GMDS: variants seen among roughly 807,000 people sequenced by gnomAD.
GMDS encodes GDP-mannose 4,6 dehydratase.
Under a neutral mutation model 49.9 loss-of-function variants are expected in GMDS, and 20 were observed. The observed-to-expected ratio is 0.40, with a 90% CI of 0.28 to 0.58. The LOEUF (loss-of-function observed/expected upper bound fraction) is 0.58. GMDS is among the 20% of genes least tolerant of loss of function. The pLI is 0.42. For missense variants in GMDS, 362 were observed against 481.4 expected (o/e 0.75, Z 2.32); for synonymous variants, 177 against 178.6 (o/e 0.99, Z 0.07).
chr6:1,968,079 C>G (rs1764368753), intron 4 of GMDS, among the ~76,000 whole-genome samples: 1 of 152,164 alleles, frequency 6.6e-6, no homozygotes, highest in African/African-American at 2.4e-5. Context: ...AACAATCATT[C>G]CAGGATCACT....
chr6:2,097,566 G>A (rs1773680113), intron 4 of GMDS, among the ~76,000 whole-genome samples: 1 of 152,128 alleles, frequency 6.6e-6, no homozygotes, highest in South Asian at 2.1e-4. Context: ...ACACATGCTA[G>A]TGGCCCTTGA....
At chr6:1,983,516 C>G (rs1386798721) in intron 4 of GMDS, among the ~76,000 whole-genome samples, 1 of 151,922 alleles carries the variant, frequency 6.6e-6, no homozygotes, top group East Asian at 1.9e-4. Flanking sequence ...CCATTAGGAA[C>G]TTAAATCTAC....
At chr6:1,779,846 G>A (rs1228573821) in intron 7 of GMDS, among the ~76,000 whole-genome samples, 4 of 152,182 alleles carry the variant, frequency 2.6e-5, no homozygotes, top group East Asian at 1.9e-4. Flanking sequence ...AGTGGAAGTC[G>A]GCCCTGTGAC....
At chr6:1,813,624 G>T (rs1056823494) in intron 7 of GMDS, among the ~76,000 whole-genome samples, 2 of 152,098 alleles carry the variant, frequency 1.3e-5, no homozygotes, top group African/African-American at 4.8e-5. Flanking sequence ...AGCTCCAGAG[G>T]TTTAAATAAG....
intron 7 of GMDS, among the ~76,000 whole-genome samples, chr6:1,816,210 C>T (rs79063472): frequency 1.7e-3 from 252 of 152,288 alleles, no homozygotes; most frequent in African/African-American, 5.7e-3. Flanking sequence ...TTTATGAGAG[C>T]CTACTGTGTG....
intron 7 of GMDS, among the ~76,000 whole-genome samples, chr6:1,837,819 G>A (rs536705415): frequency 2.0e-5 from 3 of 152,264 alleles, no homozygotes; most frequent in Admixed American, 2.0e-4. Flanking sequence ...CTTTCCCACA[G>A]GTCTGGACAG....
intron 7 of GMDS, among the ~76,000 whole-genome samples, chr6:1,853,437 G>C (rs1345380743): frequency 6.9e-6 from 1 of 144,300 alleles, no homozygotes; most frequent in Non-Finnish European, 1.5e-5. Context: ...AGAATGGCGT[G>C]AACCCGGGAG....
chr6:2,176,665 G>C, intron 1 of GMDS, among the ~76,000 whole-genome samples: 1 of 152,134 alleles, frequency 6.6e-6, no homozygotes, highest in East Asian at 1.9e-4. Context: ...AGAAAGGTGG[G>C]AAAGAATAGC....
chr6:1,766,562 C>T lies in GMDS; in HGVS notation c.772-23976G>A, dbSNP rs1255348437. Among the ~76,000 whole-genome samples, 3 of 152,124 alleles carry T rather than the reference C, an allele frequency of 2.0e-5. No homozygotes were observed. Among genetic ancestry groups the T allele is most frequent in the Non-Finnish European group, 2.9e-5 (2 of 68,022 alleles). On this transcript the variant is annotated intron_variant, in intron 7 of 10. Transcript: ENST00000380815. This position sits in a 1 kb window ranked among gnomAD's most constrained non-coding sequence, Gnocchi z 4.5. ...AAAGTGATTTCTCTCTTGTGTATGGCTCGGGAGGAGGGTCTAAGGTGGGCC... is the reference window on the plus strand; with the variant it reads ...AAAGTGATTTCTCTCTTGTGTATGGTTCGGGAGGAGGGTCTAAGGTGGGCC...
At chr6:1,763,332 C>T (rs1768230228) in intron 7 of GMDS, among the ~76,000 whole-genome samples, 1 of 152,186 alleles carries the variant, frequency 6.6e-6, no homozygotes, top group South Asian at 2.1e-4. Context: ...GAGGACTATG[C>T]AAAGGGGCTG....
At position 1,892,076 on chromosome 6, in the gene GMDS, T is replaced by C. The variant is rs574875625; in HGVS notation, c.771+38027A>G. On this transcript the variant is annotated intron_variant, in intron 7 of 10. Coordinates refer to ENST00000380815, the MANE Select transcript of GMDS (RefSeq NM_001500.4). ...AAACTATAAATAATATACTTGCTTA[T>C]TTTTATACCACAAATCCCACATAAC... 2.1e-3 allele frequency among the ~76,000 whole-genome samples: 319 copies of C among 152,300 alleles called. 1 individual carries two copies. The highest frequency in any genetic ancestry group is 7.2e-3 in the African/African-American group (300 of 41,566).
intron 4 of GMDS, among the ~76,000 whole-genome samples, chr6:2,012,874 C>T (rs1210650982): frequency 6.6e-6 from 1 of 152,068 alleles, no homozygotes; most frequent in Admixed American, 6.6e-5. Flanking sequence ...GAGAAAACCC[C>T]CTCCTGTTGC....
intron 9 of GMDS, among the ~76,000 whole-genome samples, chr6:1,650,974 A>C (rs1763636153): frequency 6.6e-6 from 1 of 152,224 alleles, no homozygotes; most frequent in Non-Finnish European, 1.5e-5. Flanking sequence ...AGATGAATGA[A>C]ACAGAAAAGT....
At chr6:2,236,299 T>C (rs1016603151) in intron 1 of GMDS, among the ~76,000 whole-genome samples, 1 of 152,236 alleles carries the variant, frequency 6.6e-6, no homozygotes, top group Non-Finnish European at 1.5e-5. Context: ...ATGAAGTTCA[T>C]ACTGCCTGCT....
chr6:1,971,310 C>T (rs758915536), intron 4 of GMDS, among the ~76,000 whole-genome samples: 2 of 152,120 alleles, frequency 1.3e-5, no homozygotes, highest in Non-Finnish European at 2.9e-5. Flanking sequence ...CAAGGCCCAG[C>T]TCTATAGTTC....
At chr6:2,068,548 G>C (rs1771769792) in intron 4 of GMDS, among the ~76,000 whole-genome samples, 1 of 152,090 alleles carries the variant, frequency 6.6e-6, no homozygotes, top group East Asian at 1.9e-4. Flanking sequence ...TCCTTAAGCT[G>C]ATAAGCAACT....
rs560590726 is a variant in GMDS at position 1,783,358 on chromosome 6, T to C, written c.772-40772A>G. 2.0e-5 allele frequency among the ~76,000 whole-genome samples: 3 copies of C among 152,340 alleles called. No individual in the cohort carries two copies. In the East Asian group the frequency reaches 5.8e-4, roughly 29 times the overall value. On this transcript the variant is annotated intron_variant, in intron 7 of 10. Coordinates refer to ENST00000380815, the MANE Select transcript of GMDS (RefSeq NM_001500.4). ...GGTGCAGGTGCAAGTCTTAATGGGC[T>C]CTGATATTTTAATAATCTATTTACT...
rs142309126 is a variant in GMDS, at chr6:2,191,313, G to A, written c.102+54008C>T. On this transcript the variant is annotated intron_variant, in intron 1 of 10. Transcript: ENST00000380815. This position sits in a 1 kb window ranked among gnomAD's most constrained non-coding sequence, Gnocchi z 4.6. ...GGCTGCCCCTGAGTGCGGGGGCCAC[G>A]GGGGAGCTCACAGTGATGTCCCTGG... 1.2e-4 allele frequency among the ~76,000 whole-genome samples: 18 copies of A among 152,178 alleles called. No individual in the cohort carries two copies. The highest frequency in any genetic ancestry group is 3.9e-4 in the African/African-American group (16 of 41,546).
intron 4 of GMDS, among the ~76,000 whole-genome samples, chr6:2,065,855 T>C (rs1581599113): frequency 1.3e-5 from 2 of 152,284 alleles, no homozygotes; most frequent in South Asian, 4.2e-4. Flanking sequence ...CTGCAGGATA[T>C]TATCCAGAAG....
Sources: gnomAD v4.1 joint callset for allele counts (sites outside exome capture counted in the v4.1 genomes callset) on GRCh38, gnomAD v4.1.1 for gene constraint, Gnocchi (gnomAD v3.1) non-coding constraint, MANE v1.5 for transcripts, NCBI Gene and HGNC (gene_info 2026-07-23, HGNC 2026-07-21) for gene names.